Variants in GALNT13 observed in about 807,000 individuals in gnomAD.
GALNT13 encodes the protein UDP-GalNAc:polypeptide N-acetylgalactosaminyltransferase 13.
A neutral mutation model predicts 64.2 loss-of-function variants in GALNT13; 28 were observed. The ratio of observed to expected loss-of-function variants is 0.44; its 90% confidence interval spans 0.32 to 0.60. GALNT13 has a LOEUF of 0.60. Ranked by LOEUF, GALNT13 falls within the 20% of genes least tolerant of loss-of-function variation. The pLI is 0.05. For synonymous variants in GALNT13, 214 were observed against 224.6 expected (o/e 0.95, Z 0.42); for missense variants, 577 against 669.8 (o/e 0.86, Z 1.53).
chr2:153,425,483 A>G, the GALNT13 span, among the ~76,000 whole-genome samples: 1 of 151,794 alleles, frequency 6.6e-6, no homozygotes, highest in Non-Finnish European at 1.5e-5. Flanking sequence ...GCATTTAGGA[A>G]GAAATAAATT....
the GALNT13 span, among the ~76,000 whole-genome samples, chr2:153,535,116 T>G: frequency 0.056 from 8,531 of 152,022 alleles, 771 homozygotes; most frequent in African/African-American, 0.19. Context: ...TGGGAGAGAT[T>G]AAGCTGAAGG....
chr2:154,170,618 T>C (rs933576134), intron 4 of GALNT13, among the ~76,000 whole-genome samples: 15 of 152,156 alleles, frequency 9.9e-5, no homozygotes, highest in African/African-American at 2.7e-4. Flanking sequence ...GTGCCAGATG[T>C]CACAACCTTT....
At chr2:153,583,733 C>T in the GALNT13 span, among the ~76,000 whole-genome samples, 1 of 152,200 alleles carries the variant, frequency 6.6e-6, no homozygotes, top group African/African-American at 2.4e-5. Flanking sequence ...TATAAGACAT[C>T]ATTCTTGATC....
At chr2:153,802,192 T>G in the GALNT13 span, among the ~76,000 whole-genome samples, 4 of 152,350 alleles carry the variant, frequency 2.6e-5, no homozygotes, top group African/African-American at 4.8e-5. Flanking sequence ...TAAAATATCT[T>G]TCTTTAAGAC....
intron 1 of GALNT13, among the ~76,000 whole-genome samples, chr2:153,899,386 TTTATAA>T (rs1558841774): frequency 2.6e-5 from 4 of 152,206 alleles, no homozygotes; most frequent in Admixed American, 2.6e-4. Context: ...TTGTTATAAC[TTTATAA>T]TTGTATTGAA....
the GALNT13 span, among the ~76,000 whole-genome samples, chr2:153,184,180 T>C: frequency 6.6e-6 from 1 of 152,146 alleles, no homozygotes; most frequent in Non-Finnish European, 1.5e-5. Context: ...GTGAAGAAGT[T>C]ATTTACTTCC....
chr2:153,713,143 T>C, the GALNT13 span, among the ~76,000 whole-genome samples: 5 of 152,338 alleles, frequency 3.3e-5, no homozygotes, highest in African/African-American at 9.6e-5. Flanking sequence ...TTTATATATA[T>C]GTTAAATATT....
At chr2:154,284,671 C>T (rs1346744265) in intron 8 of GALNT13, among the ~76,000 whole-genome samples, 3 of 152,020 alleles carry the variant, frequency 2.0e-5, no homozygotes, top group East Asian at 3.9e-4. Flanking sequence ...CAGATATCTC[C>T]TTCATATATG....
chr2:153,467,109 G>C, the GALNT13 span, among the ~76,000 whole-genome samples: 6 of 151,992 alleles, frequency 3.9e-5, no homozygotes, highest in African/African-American at 1.4e-4. Flanking sequence ...ACTATTGGTG[G>C]AGTTTAATGA....
At chr2:153,712,643 A>C in the GALNT13 span, among the ~76,000 whole-genome samples, 1 of 152,190 alleles carries the variant, frequency 6.6e-6, no homozygotes, top group South Asian at 2.1e-4. Context: ...GAGACTAGAA[A>C]AAAAGGTCTG....
At chr2:153,612,285 C>G in the GALNT13 span, among the ~76,000 whole-genome samples, 4 of 152,190 alleles carry the variant, frequency 2.6e-5, no homozygotes, top group Non-Finnish European at 1.5e-5. Context: ...TGTGGTGATT[C>G]CTCAAGGATC....
intron 9 of GALNT13, among the ~76,000 whole-genome samples, chr2:154,364,594 T>A (rs1697256077): frequency 6.6e-6 from 1 of 152,228 alleles, no homozygotes; most frequent in African/African-American, 2.4e-5. Context: ...ATTAAACTTT[T>A]AATCTGTTTT....
chr2:154,098,569 A>G (rs897891776), intron 3 of GALNT13, among the ~76,000 whole-genome samples: 1 of 152,050 alleles, frequency 6.6e-6, no homozygotes, highest in African/African-American at 2.4e-5. Flanking sequence ...ATTGTACCCA[A>G]TAGGTAATTT....
the GALNT13 span, among the ~76,000 whole-genome samples, chr2:153,277,874 T>G: frequency 1.3e-5 from 2 of 150,846 alleles, no homozygotes; most frequent in Non-Finnish European, 3.0e-5. Flanking sequence ...AGTTTTTTGG[T>G]TTTTGCTTGT....
chr2:153,508,598 C>T, the GALNT13 span, among the ~76,000 whole-genome samples: 1 of 152,306 alleles, frequency 6.6e-6, no homozygotes, highest in South Asian at 2.1e-4. Context: ...GAGTCTACTT[C>T]CAGGCAGCTG....
chr2:154,440,431 A>AAATTTAAGTAAATTTAAGTAAAT, intron 12 of GALNT13, among the ~76,000 whole-genome samples: 2 of 151,732 alleles, frequency 1.3e-5, no homozygotes, highest in South Asian at 2.1e-4. Context: ...GCTATTGAAT[A>AAATTTAAGTAAATTTAAGTAAAT]CTAAGGAATT....
chr2:154,182,821 C>G (rs756052940), intron 4 of GALNT13, among the ~76,000 whole-genome samples: 2 of 151,938 alleles, frequency 1.3e-5, no homozygotes, highest in African/African-American at 4.8e-5. Context: ...GCTAGAGGAT[C>G]ACCTGAGCCT....
chr2:154,267,362 G>A (rs1325871727), intron 8 of GALNT13, among the ~76,000 whole-genome samples: 6 of 151,962 alleles, frequency 3.9e-5, no homozygotes, highest in East Asian at 1.9e-4. Flanking sequence ...TTTTCAGGCC[G>A]GGCATGGTGG....
intron 3 of GALNT13, among the ~76,000 whole-genome samples, chr2:154,134,730 G>A (rs1354449411): frequency 1.3e-5 from 2 of 152,178 alleles, no homozygotes; most frequent in African/African-American, 2.4e-5. Context: ...GGTGGCTAAC[G>A]CCTGTAATCC....
Sources: allele counts gnomAD v4.1 joint callset (sites outside exome capture counted in the v4.1 genomes callset), GRCh38; gene constraint gnomAD v4.1.1; transcripts MANE v1.5; gene names NCBI Gene and HGNC (gene_info 2026-07-23, HGNC 2026-07-21).